FAF1: variants seen among roughly 807,000 people sequenced by gnomAD.
The protein encoded by FAF1 is Fas associated factor 1.
Under a neutral mutation model 92.5 loss-of-function variants are expected in FAF1, and 25 were observed. The ratio of observed to expected loss-of-function variants is 0.27; its 90% CI spans 0.20 to 0.38. The LOEUF (loss-of-function observed/expected upper bound fraction) is 0.38. Ranked by LOEUF, FAF1 falls within the 10% of genes least tolerant of loss-of-function variation. FAF1 has a pLI of 1.00. For missense variants in FAF1, 636 were observed against 793.3 expected (o/e 0.80, Z 2.38); for synonymous variants, 234 against 273.2 (o/e 0.86, Z 1.42).
intron 15 of FAF1, among the ~76,000 whole-genome samples, chr1:50,519,389 AGGG>A (rs1187112678): frequency 6.6e-5 from 5 of 75,606 alleles, no homozygotes; most frequent in Admixed American, 1.9e-4. Context: ...GGAGGGAGGG[AGGG>A]AGGGAAGGAG....
intron 4 of FAF1, among the ~76,000 whole-genome samples, chr1:50,750,569 G>C (rs966256053): frequency 6.7e-6 from 1 of 150,124 alleles, no homozygotes; most frequent in African/African-American, 2.5e-5. Flanking sequence ...GATTACTTTT[G>C]TCTGGGTTCC....
At chr1:50,546,447 C>T (rs1362153359) in intron 13 of FAF1, among the ~76,000 whole-genome samples, 1 of 152,176 alleles carries the variant, frequency 6.6e-6, no homozygotes, top group Non-Finnish European at 1.5e-5. Flanking sequence ...CTCACTGCAA[C>T]CTTTGCCACC....
intron 12 of FAF1, among the ~76,000 whole-genome samples, chr1:50,573,540 G>C (rs1475387345): frequency 6.6e-6 from 1 of 152,192 alleles, no homozygotes; most frequent in Non-Finnish European, 1.5e-5. Context: ...TCTTTAAAGA[G>C]TAAAACACCA....
At chr1:50,859,524 T>C (rs1289899694) in intron 1 of FAF1, among the ~76,000 whole-genome samples, 4 of 151,036 alleles carry the variant, frequency 2.6e-5, no homozygotes, top group Admixed American at 6.6e-5. Context: ...ACAAAGAAAA[T>C]GAAATACCTA....
At chr1:50,751,139 C>A (rs1307700336) in intron 4 of FAF1, among the ~76,000 whole-genome samples, 4 of 126,466 alleles carry the variant, frequency 3.2e-5, no homozygotes, top group African/African-American at 3.0e-5. Flanking sequence ...TATTCAACAC[C>A]CATTTCATGT....
intron 13 of FAF1, among the ~76,000 whole-genome samples, chr1:50,542,215 G>A (rs1008695760): frequency 5.3e-5 from 8 of 152,104 alleles, no homozygotes; most frequent in African/African-American, 1.9e-4. Context: ...TATGAATTAT[G>A]TTTGAGATTT....
intron 1 of FAF1, among the ~76,000 whole-genome samples, chr1:50,895,795 T>C: frequency 6.6e-6 from 1 of 152,022 alleles, no homozygotes; most frequent in East Asian, 1.9e-4. Flanking sequence ...AAAAACCATA[T>C]GTTCACTGCA....
intron 7 of FAF1, among the ~76,000 whole-genome samples, chr1:50,693,150 C>T (rs146693350): frequency 5.1e-4 from 77 of 152,230 alleles, no homozygotes; most frequent in African/African-American, 1.6e-3. Flanking sequence ...CCAAAAACCA[C>T]GAAAAATTTT....
intron 8 of FAF1, among the ~76,000 whole-genome samples, chr1:50,653,062 A>T (rs1654937541): frequency 6.6e-6 from 1 of 152,104 alleles, no homozygotes; most frequent in Admixed American, 6.6e-5. Context: ...TGTTTTCTTC[A>T]TGCCTCCTCA....
At chr1:50,727,670 G>A (rs544993858) in intron 6 of FAF1, among the ~76,000 whole-genome samples, 1 of 152,324 alleles carries the variant, frequency 6.6e-6, no homozygotes, top group East Asian at 1.9e-4. Flanking sequence ...TCCCTTGACT[G>A]AAAGTGTCTG....
intron 15 of FAF1, among the ~76,000 whole-genome samples, chr1:50,505,024 C>T (rs1647042526): frequency 6.6e-6 from 1 of 152,150 alleles, no homozygotes. Flanking sequence ...TAGAAGTCTT[C>T]TGAGTGGGGG....
In FAF1 at chr1:50,826,778, G is replaced by GTT. The variant is rs543201960; in HGVS notation, c.115-25102_115-25101insAA. Reference sequence around the variant, plus strand: ...AAACTCTTAACAAAATACAACCTGTGAAGACATAAGAAAAAATAGAAAAAT... The same window carrying GTT: ...AAACTCTTAACAAAATACAACCTGTGTTAAGACATAAGAAAAAATAGAAAAAT... On this transcript the variant is annotated intron_variant, in intron 2 of 18. Transcript: ENST00000396153. Among the ~76,000 whole-genome samples the GTT allele has an allele frequency of 2.0e-4, 31 of 152,256 alleles. No homozygotes were observed. In the South Asian group the frequency reaches 6.4e-3, roughly 32 times the overall value.
chr1:50,724,253 AAAC>A (rs1180875662), intron 6 of FAF1, among the ~76,000 whole-genome samples: 15 of 147,658 alleles, frequency 1.0e-4, no homozygotes, highest in Middle Eastern at 3.2e-3. Context: ...AAAAAAAAAA[AAAC>A]AACCATATAT....
At chr1:50,722,270 C>T (rs991472581) in intron 6 of FAF1, among the ~76,000 whole-genome samples, 3 of 152,154 alleles carry the variant, frequency 2.0e-5, no homozygotes, top group African/African-American at 7.2e-5. Flanking sequence ...TTGAGGACCA[C>T]ATTGATTCTG....
At chr1:50,942,206 A>G (rs924343632) in intron 1 of FAF1, among the ~76,000 whole-genome samples, 2 of 152,254 alleles carry the variant, frequency 1.3e-5, no homozygotes, top group African/African-American at 4.8e-5. Flanking sequence ...GCCCAACAGA[A>G]GGAAAACGTT....
intron 7 of FAF1, among the ~76,000 whole-genome samples, chr1:50,669,838 T>A (rs971386776): frequency 6.6e-6 from 1 of 152,150 alleles, no homozygotes; most frequent in South Asian, 2.1e-4. Flanking sequence ...TTTTAAACTT[T>A]AGGCTGGGCG....
At chr1:50,792,266 A>G (rs1661589831) in intron 3 of FAF1, among the ~76,000 whole-genome samples, 1 of 152,230 alleles carries the variant, frequency 6.6e-6, no homozygotes, top group African/African-American at 2.4e-5. Context: ...AAAGTTTCTT[A>G]CTTGTAACCA....
rs191216716 is a variant in FAF1, at chr1:50,551,227, C to A, written c.1269-11499G>T. 5.5e-4 allele frequency among the ~76,000 whole-genome samples: 83 copies of A among 151,988 alleles called. No individual in the cohort carries two copies. In the East Asian group the frequency reaches 7.9e-3, roughly 14 times the overall value. On this transcript the variant is annotated intron_variant, in intron 13 of 18. Coordinates refer to ENST00000396153, the MANE Select transcript of FAF1 (RefSeq NM_007051.3). ...CTGTAAATGCTAAATGGAAAAAAAA[C>A]CCAGACATATATACAGAGGGAAAAT...
intron 8 of FAF1, among the ~76,000 whole-genome samples, chr1:50,644,404 C>T (rs905636389): frequency 6.6e-6 from 1 of 152,148 alleles, no homozygotes; most frequent in Non-Finnish European, 1.5e-5. Flanking sequence ...TACTCTTTTT[C>T]CTAACAATTT....
Sources: gnomAD v4.1 joint callset for allele counts (sites outside exome capture counted in the v4.1 genomes callset) on GRCh38, gnomAD v4.1.1 for gene constraint, MANE v1.5 for transcripts, NCBI Gene and HGNC (gene_info 2026-07-23, HGNC 2026-07-21) for gene names.